Variants in TMEM135 observed in about 807,000 individuals in gnomAD.
TMEM135 encodes peroxisomal membrane protein 52.
In TMEM135, 30 loss-of-function variants were observed where a neutral mutation model predicts 60.3. The observed-to-expected ratio is 0.50, with a 90% CI of 0.37 to 0.68. The LOEUF (loss-of-function observed/expected upper bound fraction) is 0.68, where lower values mean the gene tolerates loss of function less well. TMEM135 is among the 30% of genes least tolerant of loss of function. The probability of loss-of-function intolerance (pLI) is 0.00; values close to 1 mark genes in which losing one functional copy is unlikely to be tolerated. For synonymous variants in TMEM135, 190 were observed against 186.7 expected (o/e 1.02, Z -0.14); for missense variants, 468 against 548.8 (o/e 0.85, Z 1.47).
chr11:87,073,135 A>G (rs1483125274), intron 3 of TMEM135, among the ~76,000 whole-genome samples: 1 of 152,122 alleles, frequency 6.6e-6, no homozygotes, highest in Non-Finnish European at 1.5e-5. Flanking sequence ...TCCCTGGTTA[A>G]GCAATTCTCT....
chr11:87,301,701 G>T (rs1211536599), intron 7 of TMEM135, among the ~76,000 whole-genome samples: 1 of 152,176 alleles, frequency 6.6e-6, no homozygotes, highest in African/African-American at 2.4e-5. Flanking sequence ...TGTAAACAGT[G>T]ATACTGCAAA....
chr11:87,100,027 T>C (rs1463407446), intron 4 of TMEM135, among the ~76,000 whole-genome samples: 1 of 152,150 alleles, frequency 6.6e-6, no homozygotes, highest in African/African-American at 2.4e-5. Context: ...CTGTATCGTT[T>C]TGTTAGGGTT....
intron 13 of TMEM135, 92 bp downstream of exon 13, chr11:87,318,327 T>G: frequency 1.0e-6 from 1 of 963,678 alleles, no homozygotes; most frequent in Non-Finnish European, 1.7e-6. Flanking sequence ...TGGGAACATT[T>G]CTATTTACAG....
chr11:87,239,176 A>G (rs1941074217), intron 6 of TMEM135, among the ~76,000 whole-genome samples: 3 of 152,052 alleles, frequency 2.0e-5, no homozygotes, highest in Admixed American at 2.0e-4. Context: ...GTTAAAAACA[A>G]CAGTTTAAAA....
At chr11:87,202,144 G>C (rs895021136) in intron 5 of TMEM135, among the ~76,000 whole-genome samples, 2 of 152,014 alleles carry the variant, frequency 1.3e-5, no homozygotes, top group Admixed American at 6.6e-5. Context: ...TCCTGCCTCA[G>C]CCCCCCAAGT....
intron 6 of TMEM135, chr11:87,277,474 A>G (rs934049993): frequency 1.1e-5 from 2 of 174,410 alleles, no homozygotes; most frequent in African/African-American, 4.8e-5. Flanking sequence ...GTATTGGATC[A>G]CATTTGCTGT....
chr11:87,067,649 G>T (rs775135269), intron 1 of TMEM135, 45 bp from the exon 2 acceptor site: 1 of 1,610,046 alleles, frequency 6.2e-7, no homozygotes, highest in Non-Finnish European at 8.5e-7. Flanking sequence ...TAATTTAAGT[G>T]GGAAATGTTG....
chr11:87,038,105 C>CCCTTCCTGCCGGGTCT lies in TMEM135; in HGVS notation c.70_85dup (p.Gln29ProfsTer44). On this transcript the variant is annotated frameshift_variant, in exon 1 of 15. Transcript: ENST00000305494. LOFTEE classifies it high-confidence loss of function. ...GCTATGAGATCGGCCACACTTGGCA[C>CCCTTCCTGCCGGGTCT]CCTTCCTGCCGGGTCTCCTTCCTGC... 1 of 1,614,182 alleles carries CCCTTCCTGCCGGGTCT rather than the reference C, an allele frequency of 6.2e-7. No individual in the cohort carries two copies. Among genetic ancestry groups the CCCTTCCTGCCGGGTCT allele is most frequent in the Non-Finnish European group, 8.5e-7 (1 of 1,180,030 alleles).
intron 5 of TMEM135, among the ~76,000 whole-genome samples, chr11:87,181,500 G>A (rs747018856): frequency 1.7e-4 from 26 of 152,220 alleles, no homozygotes; most frequent in Non-Finnish European, 3.2e-4. Flanking sequence ...GCCAAATATC[G>A]TGTGATTCAG....
At chr11:87,040,127 T>A (rs2135100659) in intron 1 of TMEM135, among the ~76,000 whole-genome samples, 1 of 152,332 alleles carries the variant, frequency 6.6e-6, no homozygotes, top group East Asian at 1.9e-4. Flanking sequence ...TAGTGGGAAC[T>A]GAATAGCATT....
chr11:87,084,367 G>C (rs1447962753), intron 3 of TMEM135, among the ~76,000 whole-genome samples: 1 of 151,414 alleles, frequency 6.6e-6, no homozygotes, highest in African/African-American at 2.4e-5. Context: ...GAGTACAGTG[G>C]TACAATCATA....
intron 5 of TMEM135, among the ~76,000 whole-genome samples, chr11:87,211,974 C>T (rs1268903305): frequency 6.6e-6 from 1 of 151,932 alleles, no homozygotes; most frequent in Non-Finnish European, 1.5e-5. Context: ...AGAAAAGGCT[C>T]ATTGGCCTTG....
intron 3 of TMEM135, among the ~76,000 whole-genome samples, chr11:87,081,510 C>G (rs1856991852): frequency 1.3e-5 from 2 of 151,988 alleles, no homozygotes; most frequent in Admixed American, 1.3e-4. Flanking sequence ...TTTTCTCTTT[C>G]TTTGAACGCT....
intron 6 of TMEM135, chr11:87,259,016 C>G (rs1299936985): frequency 6.6e-7 from 1 of 1,522,676 alleles, no homozygotes; most frequent in Middle Eastern, 2.0e-4. Context: ...GAAGTGGTCC[C>G]AATCCACACG....
chr11:87,198,483 T>C (rs1370107576), intron 5 of TMEM135, among the ~76,000 whole-genome samples: 1 of 152,076 alleles, frequency 6.6e-6, no homozygotes, highest in East Asian at 1.9e-4. Context: ...GGTTGTTTTT[T>C]GTTAGTTGGT....
chr11:87,105,998 T>G (rs1857585231), intron 4 of TMEM135, among the ~76,000 whole-genome samples: 1 of 152,200 alleles, frequency 6.6e-6, no homozygotes, highest in East Asian at 1.9e-4. Flanking sequence ...CTTTTTTAGC[T>G]CTCACATATG....
At chr11:87,110,979 T>C (rs1857729129) in intron 4 of TMEM135, among the ~76,000 whole-genome samples, 1 of 152,220 alleles carries the variant, frequency 6.6e-6, no homozygotes, top group Non-Finnish European at 1.5e-5. Flanking sequence ...AGCCCTGCCA[T>C]AGATGCCTTA....
chr11:87,158,138 C>G (rs1938753756), intron 5 of TMEM135, among the ~76,000 whole-genome samples: 1 of 152,104 alleles, frequency 6.6e-6, no homozygotes, highest in Admixed American at 6.5e-5. Flanking sequence ...GTTGCTTAGG[C>G]TGGTCTTGAA....
At chr11:87,229,693 T>C (rs2135365920) in intron 5 of TMEM135, among the ~76,000 whole-genome samples, 1 of 152,274 alleles carries the variant, frequency 6.6e-6, no homozygotes, top group East Asian at 1.9e-4. Flanking sequence ...AGACTTTAAA[T>C]AAACTTCAGC....
Sources: allele counts gnomAD v4.1 joint callset (sites outside exome capture counted in the v4.1 genomes callset), GRCh38; gene constraint gnomAD v4.1.1; transcripts MANE v1.5; gene names NCBI Gene and HGNC (gene_info 2026-07-23, HGNC 2026-07-21).